The following UHRF2 variants were observed in gnomAD, a reference collection of about 807,000 sequenced individuals.
UHRF2 encodes the protein E3 ubiquitin-protein ligase UHRF2.
Under a neutral mutation model 96.8 loss-of-function variants are expected in UHRF2, and 23 were observed. The ratio of observed to expected loss-of-function variants is 0.24; its 90% CI spans 0.17 to 0.34. The LOEUF is 0.34. Ranked by LOEUF, UHRF2 falls within the 10% of genes least tolerant of loss-of-function variation. UHRF2 has a pLI of 1.00. For missense variants in UHRF2, 685 were observed against 981.5 expected (o/e 0.70, Z 4.04); for synonymous variants, 385 against 332.6 (o/e 1.16, Z -1.72).
intron 4 of UHRF2, among the ~76,000 whole-genome samples, chr9:6,469,052 T>C (rs1823054998): frequency 1.3e-5 from 2 of 152,198 alleles, no homozygotes; most frequent in Non-Finnish European, 2.9e-5. Flanking sequence ...ATTATGGGAA[T>C]AGACCCATAG....
At chr9:6,446,922 T>G (rs1307468422) in intron 3 of UHRF2, among the ~76,000 whole-genome samples, 15 of 151,950 alleles carry the variant, frequency 9.9e-5, no homozygotes, top group Admixed American at 9.8e-4. Flanking sequence ...AGAGTCTTGC[T>G]CTGTCACCCA....
intron 3 of UHRF2, among the ~76,000 whole-genome samples, chr9:6,460,093 A>G (rs1822439020): frequency 1.3e-5 from 2 of 152,250 alleles, no homozygotes; most frequent in South Asian, 4.1e-4. Flanking sequence ...TTTAACAAGA[A>G]TAGTTTTGCT....
chr9:6,468,621 G>A (rs1287908191), intron 4 of UHRF2: 2 of 456,040 alleles, frequency 4.4e-6, no homozygotes, highest in Non-Finnish European at 8.8e-6. Context: ...GCAGATATTT[G>A]GGATGCCTCA....
At chr9:6,419,620 C>G (rs1188319179) in intron 1 of UHRF2, among the ~76,000 whole-genome samples, 1 of 152,164 alleles carries the variant, frequency 6.6e-6, no homozygotes, top group Non-Finnish European at 1.5e-5. Flanking sequence ...TGAAAATTCA[C>G]ATTTCTTGAA....
At chr9:6,498,507 G>T (rs1204289558) in intron 12 of UHRF2, 2 of 166,472 alleles carry the variant, frequency 1.2e-5, no homozygotes, top group African/African-American at 2.4e-5. Context: ...GGCACAGGGG[G>T]TGTCTCTCTG....
At chr9:6,431,924 A>T (rs1283053548) in intron 2 of UHRF2, among the ~76,000 whole-genome samples, 1 of 152,210 alleles carries the variant, frequency 6.6e-6, no homozygotes, top group Non-Finnish European at 1.5e-5. Flanking sequence ...TTTTTATAGT[A>T]ATATATGAAA....
At chr9:6,424,044 A>G (rs1163060771) in intron 2 of UHRF2, among the ~76,000 whole-genome samples, 1 of 152,230 alleles carries the variant, frequency 6.6e-6, no homozygotes, top group African/African-American at 2.4e-5. Flanking sequence ...CCCTTTAAAG[A>G]CGAGCTAGAC....
intron 4 of UHRF2, among the ~76,000 whole-genome samples, chr9:6,473,988 G>C (rs558114968): frequency 2.0e-5 from 3 of 152,262 alleles, no homozygotes; most frequent in South Asian, 4.1e-4. Flanking sequence ...GAAAGAGATG[G>C]CATGTGAATT....
intron 4 of UHRF2, among the ~76,000 whole-genome samples, chr9:6,474,637 T>C (rs1823454101): frequency 6.6e-6 from 1 of 152,040 alleles, no homozygotes; most frequent in South Asian, 2.1e-4. Flanking sequence ...ATACAGGAGG[T>C]GGAGACTACA....
At chr9:6,475,934 T>A (rs1008965777) in intron 5 of UHRF2, among the ~76,000 whole-genome samples, 28 of 152,188 alleles carry the variant, frequency 1.8e-4, no homozygotes, top group Non-Finnish European at 1.8e-4. Context: ...ACAGTAAATG[T>A]TAACTGTAGT....
intron 3 of UHRF2, among the ~76,000 whole-genome samples, chr9:6,441,923 A>G (rs1821186663): frequency 6.6e-6 from 1 of 152,026 alleles, no homozygotes; most frequent in Non-Finnish European, 1.5e-5. Flanking sequence ...TTATGGGGAA[A>G]TTTGTCTGTT....
At chr9:6,439,591 G>GT (rs763885603) in intron 3 of UHRF2, among the ~76,000 whole-genome samples, 24 of 152,198 alleles carry the variant, frequency 1.6e-4, no homozygotes, top group Non-Finnish European at 2.1e-4. Context: ...ATATTTATAA[G>GT]TTTTTTTTCT....
Position 6,474,435 on chromosome 9 carries a change from GT to G in UHRF2, c.864-955del, listed in dbSNP as rs145082637. 2.9e-3 allele frequency among the ~76,000 whole-genome samples: 446 copies of G among 152,322 alleles called. 2 individuals are homozygous for G. Among genetic ancestry groups the G allele is most frequent in the African/African-American group, 0.01 (424 of 41,568 alleles). Reference sequence around the variant, plus strand: ...TAAAAGGAGAAATGGGCTGGGTGTGGTAACTCATGCCTGTAATCCTAGCACT... The same window carrying G: ...TAAAAGGAGAAATGGGCTGGGTGTGGAACTCATGCCTGTAATCCTAGCACT... On this transcript the variant is annotated intron_variant, in intron 4 of 15. Transcript: ENST00000276893.
rs575609693 is a variant in UHRF2, at chr9:6,450,787, T to C, written c.645-9786T>C. On this transcript the variant is annotated intron_variant, in intron 3 of 15. Transcript: ENST00000276893. ...CAAGTTTAAAGTGACATAATAGTTT[T>C]TGAATGTTTCTTTGTGTTCAGGTAT... Among the ~76,000 whole-genome samples the C allele has an allele frequency of 1.2e-4, 19 of 152,338 alleles. No homozygotes were observed. In the South Asian group the frequency reaches 3.7e-3, roughly 30 times the overall value.
intron 3 of UHRF2, among the ~76,000 whole-genome samples, chr9:6,439,189 T>C (rs1307151069): frequency 2.6e-5 from 4 of 152,218 alleles, no homozygotes; most frequent in African/African-American, 9.6e-5. Flanking sequence ...CTGAATTGTT[T>C]TTTGTTTGTT....
intron 3 of UHRF2, among the ~76,000 whole-genome samples, chr9:6,451,454 T>C (rs1434830246): frequency 1.1e-5 from 1 of 91,296 alleles, no homozygotes; most frequent in African/African-American, 3.7e-5. Flanking sequence ...GTTTCTTACC[T>C]AGTTTTTTTT....
At chr9:6,417,983 T>C (rs1042384716) in intron 1 of UHRF2, among the ~76,000 whole-genome samples, 6 of 152,236 alleles carry the variant, frequency 3.9e-5, no homozygotes, top group Non-Finnish European at 1.5e-5. Context: ...AACTGCTATC[T>C]TCATTTTTGG....
At position 6,413,391 on chromosome 9, in the gene UHRF2, G is replaced by T. The variant is rs1248816401; in HGVS notation, c.-100G>T. ...TGGGCGCGCTCGCCCGCCTGCCGCT[G>T]AGGGCCCGAGCCGCAGGGAAAGCGG... On this transcript the variant is annotated 5_prime_UTR_variant, in exon 1 of 16. Transcript: ENST00000276893. 2.8e-5 allele frequency: 33 copies of T among 1,197,512 alleles called. No individual in the cohort carries two copies. Among genetic ancestry groups the T allele is most frequent in the Non-Finnish European group, 3.3e-5 (31 of 947,740 alleles). 74.2% of individuals were successfully genotyped at this position (1,197,512 alleles called of 1,614,324 possible).
intron 3 of UHRF2, among the ~76,000 whole-genome samples, chr9:6,459,573 G>A (rs528207329): frequency 7.2e-5 from 11 of 152,342 alleles, no homozygotes; most frequent in African/African-American, 2.6e-4. Flanking sequence ...GGAGGCTGAG[G>A]CAGGAGAATC....
Sources: gnomAD v4.1 joint callset for allele counts (sites outside exome capture counted in the v4.1 genomes callset) on GRCh38, gnomAD v4.1.1 for gene constraint, MANE v1.5 for transcripts, NCBI Gene and HGNC (gene_info 2026-07-23, HGNC 2026-07-21) for gene names.